The following MSH3 variants were observed in gnomAD, a reference collection of about 807,000 sequenced individuals.
MSH3 encodes the protein DNA mismatch repair protein Msh3.
Under a neutral mutation model 123.3 loss-of-function variants are expected in MSH3, and 106 were observed. The observed-to-expected ratio is 0.86, with a 90% CI of 0.73 to 1.01. The LOEUF is 1.01. MSH3 is among the 50% of genes least tolerant of loss of function. The pLI, the probability that MSH3 is intolerant of heterozygous loss-of-function variation, is 0.00. For missense variants in MSH3, 1,459 were observed against 1,347.6 expected, an observed-to-expected ratio of 1.08 and a Z score of -1.29; for synonymous variants, 515 against 481.4, an observed-to-expected ratio of 1.07 and a Z score of -0.91.
intron 15 of MSH3, among the ~76,000 whole-genome samples, chr5:80,769,397 C>G (rs981969985): frequency 6.6e-6 from 1 of 151,834 alleles, no homozygotes; most frequent in Non-Finnish European, 1.5e-5. Context: ...AGTGATTAAA[C>G]GGTGGGGCTT....
At chr5:80,806,525 A>G (rs1486403286) in intron 19 of MSH3, among the ~76,000 whole-genome samples, 3 of 152,184 alleles carry the variant, frequency 2.0e-5, no homozygotes, top group Non-Finnish European at 2.9e-5. Context: ...TATTTATCAT[A>G]TATTAAGTTT....
chr5:80,845,094 T>C (rs1002448537), intron 20 of MSH3, among the ~76,000 whole-genome samples: 1 of 152,230 alleles, frequency 6.6e-6, no homozygotes, highest in Non-Finnish European at 1.5e-5. Flanking sequence ...AAGGCAGACC[T>C]GGTGGTGACA....
intron 19 of MSH3, among the ~76,000 whole-genome samples, chr5:80,796,966 A>G (rs1397097110): frequency 6.6e-6 from 1 of 152,074 alleles, no homozygotes; most frequent in Non-Finnish European, 1.5e-5. Context: ...ATTGGACTTC[A>G]TGCCGTTCCC....
rs1400701596 is a variant in MSH3 at position 80,761,694 on chromosome 5, A to G, written c.1896+16A>G. ...TCACAAAAAAGTAAGTGTGATAGAA[A>G]TCTATTAAAGCTGACAGTGTTCTTC... On this transcript the variant is annotated intron_variant, in intron 13 of 23. Coordinates refer to ENST00000265081, the MANE Select transcript of MSH3 (RefSeq NM_002439.5). 4 of 1,613,988 alleles carry G rather than the reference A, an allele frequency of 2.5e-6. No homozygotes were observed. The highest frequency in any genetic ancestry group is 3.4e-6 in the Non-Finnish European group (4 of 1,179,910).
intron 16 of MSH3, 75 bp downstream of exon 16, chr5:80,775,833 C>T (rs576602537): frequency 1.1e-5 from 9 of 795,422 alleles, no homozygotes; most frequent in East Asian, 5.0e-5. Flanking sequence ...CTGGGCTCAT[C>T]GTAGCCACAT....
intron 13 of MSH3, among the ~76,000 whole-genome samples, chr5:80,763,126 C>T (rs1343991133): frequency 6.6e-6 from 1 of 152,190 alleles, no homozygotes; most frequent in African/African-American, 2.4e-5. Flanking sequence ...GGATTACAGG[C>T]ATGAGCCACT....
At chr5:80,690,504 G>A (rs1441916677) in intron 8 of MSH3, among the ~76,000 whole-genome samples, 1 of 152,020 alleles carries the variant, frequency 6.6e-6, no homozygotes, top group African/African-American at 2.4e-5. Context: ...ACGTATTTTC[G>A]TAGGGGTTTC....
intron 8 of MSH3, among the ~76,000 whole-genome samples, chr5:80,696,516 T>C (rs910216882): frequency 3.9e-5 from 6 of 152,182 alleles, no homozygotes; most frequent in Admixed American, 1.3e-4. Context: ...TTGTCAGCTT[T>C]TTCAGCTCCA....
At chr5:80,848,711 A>G (rs757632689) in intron 20 of MSH3, among the ~76,000 whole-genome samples, 10 of 152,194 alleles carry the variant, frequency 6.6e-5, no homozygotes, top group Non-Finnish European at 1.2e-4. Flanking sequence ...ACATGCCCCC[A>G]TAATCCAGTC....
chr5:80,665,467 ATGG>A, intron 3 of MSH3, 104 bp downstream of exon 3: 1 of 885,568 alleles, frequency 1.1e-6, no homozygotes, highest in Non-Finnish European at 1.8e-6. Flanking sequence ...CTAAACTTGG[ATGG>A]TCTTCTGAAT....
At chr5:80,658,492 T>C (rs1749349149) in intron 2 of MSH3, among the ~76,000 whole-genome samples, 1 of 152,216 alleles carries the variant, frequency 6.6e-6, no homozygotes. Flanking sequence ...ACAACACACT[T>C]GGCATATTTT....
intron 8 of MSH3, among the ~76,000 whole-genome samples, chr5:80,704,734 A>G (rs184208967): frequency 6.6e-6 from 1 of 152,354 alleles, no homozygotes; most frequent in Admixed American, 6.5e-5. Flanking sequence ...ATAACAAGTT[A>G]TGTAAAAACA....
Position 80,828,018 on chromosome 5 carries a change from C to T in MSH3, c.2813+14277C>T, listed in dbSNP as rs551791741. 1.4e-4 allele frequency among the ~76,000 whole-genome samples: 22 copies of T among 152,272 alleles called. No homozygotes were observed. The South Asian group carries it at 4.6e-3, about 32-fold the overall frequency. The stretch of plus-strand genomic sequence containing the variant: ...CCTCCCCCATTTTCAGCATCCCCCA[C>T]CAGAGTACTCCCTTTCTTACAATTG... On this transcript the variant is annotated intron_variant, in intron 20 of 23. Coordinates refer to ENST00000265081, the MANE Select transcript of MSH3 (RefSeq NM_002439.5).
chr5:80,665,494 T>A (rs1176649744), intron 3 of MSH3, 131 bp downstream of exon 3: 2 of 705,640 alleles, frequency 2.8e-6, no homozygotes, highest in Non-Finnish European at 4.8e-6. Flanking sequence ...CTGAGGGAGC[T>A]TTTGTGTTTT....
intron 17 of MSH3, among the ~76,000 whole-genome samples, chr5:80,779,810 C>G (rs1744377382): frequency 6.6e-6 from 1 of 151,462 alleles, no homozygotes; most frequent in African/African-American, 2.4e-5. Flanking sequence ...GTGATGCGCC[C>G]TCCTCGGCCT....
chr5:80,768,820 G>A lies in MSH3; in HGVS notation c.2085-15G>A. ...ATAAACTTCGAATATGTATTTGCAT[G>A]TTTTGATTTTTTAGAGTTGGGGATA... On this transcript the variant is annotated splice_polypyrimidine_tract_variant and intron_variant, in intron 14 of 23. Coordinates refer to ENST00000265081, the MANE Select transcript of MSH3 (RefSeq NM_002439.5). 2 of 1,589,926 alleles carry A rather than the reference G, an allele frequency of 1.3e-6. No homozygotes were observed. Among genetic ancestry groups the A allele is most frequent in the Non-Finnish European group, 8.6e-7 (1 of 1,159,936 alleles).
At chr5:80,748,196 A>G (rs936433097) in intron 12 of MSH3, among the ~76,000 whole-genome samples, 1 of 152,110 alleles carries the variant, frequency 6.6e-6, no homozygotes, top group Non-Finnish European at 1.5e-5. Context: ...ATTCTCCTAA[A>G]TCCCTTAAGC....
intron 19 of MSH3, among the ~76,000 whole-genome samples, chr5:80,812,872 T>C (rs1000782601): frequency 6.6e-6 from 1 of 152,116 alleles, no homozygotes; most frequent in Non-Finnish European, 1.5e-5. Flanking sequence ...TGGCTACTCT[T>C]GACCAGGGAG....
At chr5:80,691,819 A>G (rs1041352202) in intron 8 of MSH3, among the ~76,000 whole-genome samples, 3 of 147,976 alleles carry the variant, frequency 2.0e-5, no homozygotes, top group Admixed American at 6.8e-5. Flanking sequence ...ATATATATGT[A>G]TGTTTATATA....
Sources: gnomAD v4.1 joint callset for allele counts (sites outside exome capture counted in the v4.1 genomes callset) on GRCh38, gnomAD v4.1.1 for gene constraint, MANE v1.5 for transcripts, NCBI Gene and HGNC (gene_info 2026-07-23, HGNC 2026-07-21) for gene names.